Variants in GOLGA8A observed in about 807,000 individuals in gnomAD.
GOLGA8A encodes the protein golgin A8 family member A.
GOLGA8A carries 3 observed loss-of-function variants against 22.1 expected under a neutral mutation model. The ratio of observed to expected loss-of-function variants is 0.14; its 90% CI spans 0.06 to 0.35. The LOEUF (loss-of-function observed/expected upper bound fraction) is 0.35, where lower values mean the gene tolerates loss of function less well. Among genes scored for constraint, GOLGA8A ranks in the 10% least tolerant of loss-of-function variants. GOLGA8A has a pLI of 1.00. For missense variants in GOLGA8A, 16 were observed against 233.2 expected, an observed-to-expected ratio of 0.07 and a Z score of 6.07; for synonymous variants, 7 against 91.7, an observed-to-expected ratio of 0.08 and a Z score of 5.28.
rs1489756825 is a variant in GOLGA8A, at chr15:34,381,124, A to C, written c.*287T>G. 3 of 495,662 alleles carry C rather than the reference A, an allele frequency of 6.1e-6. No homozygotes were observed. Among genetic ancestry groups the C allele is most frequent in the Non-Finnish European group, 7.4e-6 (2 of 270,766 alleles). 30.7% of individuals were successfully genotyped at this position (495,662 alleles called of 1,614,324 possible). A position where few individuals can be genotyped will look rare whatever the true frequency, so the allele number is the denominator to read the frequency against. On this transcript the variant is annotated 3_prime_UTR_variant, in exon 25 of 25. Coordinates refer to ENST00000359187, the MANE Select transcript of GOLGA8A (RefSeq NM_181077.5). ...CAAAGAGTGGGTCTTTGTGTGTTTG[A>C]ACTCCCACCACGTAAGGGCAAACTC... is the stretch of plus-strand genomic sequence containing the variant.
intron 2 of GOLGA8A, among the ~76,000 whole-genome samples, chr15:34,431,291 T>TTATATATA (rs1228048903): frequency 7.1e-5 from 8 of 112,140 alleles, no homozygotes; most frequent in Admixed American, 9.7e-5. Flanking sequence ...TGAAAAAAAA[T>TTATATATA]TATATATATA....
rs532126746 is a variant in GOLGA8A at position 34,379,559 on chromosome 15, T to C, written c.*1852A>G. 2 of 152,786 alleles carry C rather than the reference T, an allele frequency of 1.3e-5. No homozygotes were observed. Among genetic ancestry groups the C allele is most frequent in the Admixed American group, 1.3e-4 (2 of 15,308 alleles). 9.5% of individuals were successfully genotyped at this position (152,786 alleles called of 1,614,324 possible). On this transcript the variant is annotated 3_prime_UTR_variant, in exon 25 of 25. Transcript: ENST00000359187. ...CCAATATCTGCCCTCTTTCAGTGAA[T>C]GCCGGCAAATCTGTTATTCCATTGG...
chr15:34,379,537 A>G lies in GOLGA8A; in HGVS notation c.*1874T>C, dbSNP rs976255084. On this transcript the variant is annotated 3_prime_UTR_variant, in exon 25 of 25. Transcript: ENST00000359187. ...AGTCAGTTGAAGTTACAAGGACCCA[A>G]TATCTGCCCTCTTTCAGTGAATGCC... 8.5e-5 allele frequency: 13 copies of G among 152,752 alleles called. 1 individual carries two copies. The highest frequency in any genetic ancestry group is 6.8e-3 in the Middle Eastern group (2 of 294). The allele number at this position is 152,752 out of a possible 1,614,324, so 9.5% of individuals were successfully genotyped here.
In GOLGA8A at chr15:34,437,434, TC is replaced by T. The variant is rs1391796851; in HGVS notation, c.-1249del. On this transcript the variant is annotated 5_prime_UTR_variant, in exon 1 of 25. Coordinates refer to ENST00000359187, the MANE Select transcript of GOLGA8A (RefSeq NM_181077.5). ...GCGGGGCTGCCCCGGTCCGCCGCCG[TC>T]CTCGCCGCGCCGCCGTCCTCGCCGC... 7.3e-6 allele frequency: 1 copy of T among 136,672 alleles called. No homozygotes were observed. The highest frequency in any genetic ancestry group is 7.3e-5 in the Admixed American group (1 of 13,788). The allele number at this position is 136,672 out of a possible 1,614,324, so 8.5% of individuals were successfully genotyped here.
chr15:34,437,346 G>A (rs1292047861), intron 1 of GOLGA8A, 52 bp downstream of exon 1: 1 of 141,856 alleles, frequency 7.0e-6, no homozygotes, highest in African/African-American at 2.6e-5. Context: ...GCCGCGGGCG[G>A]CCCAAGGCTG....
intron 8 of GOLGA8A, among the ~76,000 whole-genome samples, chr15:34,397,125 T>A (rs1439236127): frequency 7.0e-5 from 2 of 28,390 alleles, no homozygotes; most frequent in African/African-American, 2.7e-4. Flanking sequence ...ACAGCTTTTT[T>A]CTTCTTCTTT....
rs555868644 is a variant in GOLGA8A, at chr15:34,427,680, T to G, written c.-1123+7703A>C. Among the ~76,000 whole-genome samples, 14 of 148,870 alleles carry G rather than the reference T, an allele frequency of 9.4e-5. 1 individual carries two copies. In the South Asian group the frequency reaches 1.5e-3, roughly 16 times the overall value. On this transcript the variant is annotated intron_variant, in intron 2 of 24. Transcript: ENST00000359187. ...CAGCCATCGGACTCCCAGGCACCTGTGGAGTCCTAGGCGGTTGAGGAACTG... is the reference window on the plus strand; with the variant it reads ...CAGCCATCGGACTCCCAGGCACCTGGGGAGTCCTAGGCGGTTGAGGAACTG...
intron 2 of GOLGA8A, chr15:34,418,366 C>G (rs1228709592): frequency 7.1e-6 from 1 of 141,220 alleles, no homozygotes; most frequent in Non-Finnish European, 1.5e-5. Flanking sequence ...CATTTAAATG[C>G]AAATTTCGGA....
chr15:34,431,418 G>A (rs1445961257), intron 2 of GOLGA8A, among the ~76,000 whole-genome samples: 1 of 144,088 alleles, frequency 6.9e-6, no homozygotes, highest in African/African-American at 2.6e-5. Context: ...ACACACTCAT[G>A]CGTCACTTAA....
intron 2 of GOLGA8A, among the ~76,000 whole-genome samples, chr15:34,408,273 AACAT>A (rs1193614513): frequency 1.2e-4 from 1 of 8,200 alleles, no homozygotes; most frequent in African/African-American, 5.0e-4. Context: ...ACGCACACAA[AACAT>A]ACATACACGC....
At chr15:34,386,483 C>G in intron 12 of GOLGA8A, 142 bp downstream of exon 12, 1 of 579,000 alleles carries the variant, frequency 1.7e-6, no homozygotes, top group South Asian at 1.9e-5. Flanking sequence ...GCTCTGGGGT[C>G]CCGCCAGGTG....
At chr15:34,426,101 G>C (rs144357371) in intron 2 of GOLGA8A, among the ~76,000 whole-genome samples, 12,189 of 147,102 alleles carry the variant, frequency 0.083, 1,196 homozygotes, top group South Asian at 0.22. Flanking sequence ...CCACTTCTAG[G>C]AATCTATGCT....
intron 2 of GOLGA8A, among the ~76,000 whole-genome samples, chr15:34,430,592 G>A (rs74196335): frequency 0.094 from 14,028 of 149,120 alleles, 1,746 homozygotes; most frequent in South Asian, 0.25. Context: ...GCTTTCACGC[G>A]TACTAGCCAG....
At chr15:34,432,658 G>C (rs113625124) in intron 2 of GOLGA8A, among the ~76,000 whole-genome samples, 1 of 149,306 alleles carries the variant, frequency 6.7e-6, no homozygotes, top group African/African-American at 2.5e-5. Flanking sequence ...GAGTGTTTCC[G>C]TTTCCAGACA....
intron 2 of GOLGA8A, chr15:34,410,535 G>A (rs1186617859): frequency 4.0e-6 from 1 of 252,274 alleles, no homozygotes; most frequent in African/African-American, 4.1e-5. Context: ...GAGACCCCCA[G>A]AGAGGCTTCA....
At position 34,436,455 on chromosome 15, in the gene GOLGA8A, G is replaced by C. The variant is rs924359433; in HGVS notation, c.-1212+943C>G. On this transcript the variant is annotated intron_variant, in intron 1 of 24. Coordinates refer to ENST00000359187, the MANE Select transcript of GOLGA8A (RefSeq NM_181077.5). ...TGCACTCAACCACAGATTTACGTCT[G>C]GTGCCTGCCAGGTCGTTATCTGAAG... is the stretch of plus-strand genomic sequence containing the variant. Among the ~76,000 whole-genome samples the C allele has an allele frequency of 2.0e-5, 3 of 149,708 alleles. No individual in the cohort carries two copies. The East Asian group carries it at 5.9e-4, about 29-fold the overall frequency.
At chr15:34,393,481 ACT>A (rs1244880610) in intron 8 of GOLGA8A, among the ~76,000 whole-genome samples, 1 of 121,906 alleles carries the variant, frequency 8.2e-6, no homozygotes, top group African/African-American at 3.0e-5. Context: ...GACTGCCGTA[ACT>A]CTGTCATAAA....
intron 2 of GOLGA8A, among the ~76,000 whole-genome samples, chr15:34,408,999 C>CA (rs1353359269): frequency 8.9e-6 from 1 of 112,970 alleles, no homozygotes; most frequent in East Asian, 2.9e-4. Flanking sequence ...TCAACCACTA[C>CA]ATACATCTTT....
intron 2 of GOLGA8A, among the ~76,000 whole-genome samples, chr15:34,431,122 C>A (rs1416210974): frequency 6.7e-6 from 1 of 148,294 alleles, no homozygotes; most frequent in East Asian, 2.0e-4. Context: ...ATTTTTGAAA[C>A]AATGGATTTT....
Sources: allele counts gnomAD v4.1 joint callset (sites outside exome capture counted in the v4.1 genomes callset), GRCh38; gene constraint gnomAD v4.1.1; transcripts MANE v1.5; gene names NCBI Gene and HGNC (gene_info 2026-07-23, HGNC 2026-07-21).